ATG4B: variants seen among roughly 807,000 people sequenced by gnomAD.
ATG4B encodes cysteine protease ATG4B.
In ATG4B, 29 loss-of-function variants were observed where a neutral mutation model predicts 56.6. That is an observed-to-expected ratio of 0.51 (90% CI 0.38 to 0.70). The LOEUF is 0.70. Among genes scored for constraint, ATG4B ranks in the 30% least tolerant of loss-of-function variants. The probability of loss-of-function intolerance (pLI) is 0.00; values close to 1 mark genes in which losing one functional copy is unlikely to be tolerated. For synonymous variants in ATG4B, 224 were observed against 206.1 expected (o/e 1.09, Z -0.74); for missense variants, 461 against 515.5 (o/e 0.89, Z 1.02).
intron 10 of ATG4B, among the ~76,000 whole-genome samples, chr2:241,670,135 ATTTCG>A (rs1450658680): frequency 6.6e-6 from 1 of 152,070 alleles, no homozygotes; most frequent in Non-Finnish European, 1.5e-5. Context: ...TTCTCCCCCC[ATTTCG>A]TTTCTTTTTG....
At position 241,654,544 on chromosome 2, in the gene ATG4B, A is replaced by G; in HGVS notation, c.284-2A>G. On this transcript the variant is annotated splice_acceptor_variant, in intron 4 of 12. Transcript: ENST00000404914. LOFTEE classifies it high-confidence loss of function. Reference sequence around the variant, plus strand: ...GCTGACCTGTAATTTTTTTTCCAATAGATTGGAGGTGGACACAAAGGAAGA... The same window carrying G: ...GCTGACCTGTAATTTTTTTTCCAATGGATTGGAGGTGGACACAAAGGAAGA... 1 of 1,583,460 alleles carries G rather than the reference A, an allele frequency of 6.3e-7. No individual in the cohort carries two copies. The highest frequency in any genetic ancestry group is 8.6e-7 in the Non-Finnish European group (1 of 1,164,614).
rs1321613822 is a variant in ATG4B, at chr2:241,642,871, C to CTTTT, written c.10+5147_10+5148insTTTT. ...CTTAAGGTGTACAGCACCTCTCCGT[C>CTTTT]CTTTTTTTTTTTTTTTTTTTTTTTT... On this transcript the variant is annotated intron_variant, in intron 1 of 12. Transcript: ENST00000404914. 5.3e-3 allele frequency among the ~76,000 whole-genome samples: 524 copies of CTTTT among 98,424 alleles called. 147 individuals carry two copies. Among genetic ancestry groups the CTTTT allele is most frequent in the East Asian group, 0.01 (27 of 2,668 alleles). 64.6% of individuals were successfully genotyped at this position (98,424 alleles called of 152,430 possible). A position where few individuals can be genotyped will look rare whatever the true frequency, so the allele number is the denominator to read the frequency against.
intron 3 of ATG4B, 181 bp from the exon 4 acceptor site, chr2:241,653,331 C>A: frequency 6.5e-7 from 1 of 1,549,456 alleles, no homozygotes; most frequent in Non-Finnish European, 8.7e-7. Context: ...ATTTCACTCT[C>A]CAGTAAATGT....
intron 12 of ATG4B, 165 bp downstream of exon 12, chr2:241,671,570 C>T: frequency 6.5e-7 from 1 of 1,526,826 alleles, no homozygotes; most frequent in South Asian, 1.2e-5. Context: ...TGGAGCGTCC[C>T]CTCCTCCAAG....
intron 7 of ATG4B, among the ~76,000 whole-genome samples, chr2:241,662,513 C>T (rs2068620427): frequency 6.6e-6 from 1 of 152,220 alleles, no homozygotes; most frequent in African/African-American, 2.4e-5. Flanking sequence ...GCCCGTTGCA[C>T]CCTGTTGACA....
chr2:241,638,819 T>C (rs1355888905), intron 1 of ATG4B, among the ~76,000 whole-genome samples: 1 of 152,256 alleles, frequency 6.6e-6, no homozygotes, highest in Admixed American at 6.5e-5. Context: ...GTGAAGTTTG[T>C]CTTTTAGAAT....
In ATG4B at chr2:241,668,955, G is replaced by A; in HGVS notation, c.957+270G>A. On this transcript the variant is annotated intron_variant, in intron 10 of 12. Transcript: ENST00000404914. The surrounding 1 kb of genome is among the most constrained non-coding windows in gnomAD (Gnocchi z 4.2). ...TGGATGTGAGCGTGTGTGGGCGCGT[G>A]CTGAGTGTGCATGGATGAGTGTGAG... 2.0e-6 allele frequency: 1 copy of A among 499,422 alleles called. No homozygotes were observed. The highest frequency in any genetic ancestry group is 3.5e-6 in the Non-Finnish European group (1 of 281,692). 30.9% of individuals were successfully genotyped at this position (499,422 alleles called of 1,614,324 possible).
Position 241,673,472 on chromosome 2 carries a change from T to C in ATG4B, c.*1208T>C. On this transcript the variant is annotated 3_prime_UTR_variant, in exon 13 of 13. Coordinates refer to ENST00000404914, the MANE Select transcript of ATG4B (RefSeq NM_013325.5). ...TGGCAGGACTCGCTGCTGCTGCTGC[T>C]GCTTGTGTAGGTCGGGGAGCCAGAG... The C allele has an allele frequency of 2.4e-6, 1 of 415,538 alleles. No homozygotes were observed. Among genetic ancestry groups the C allele is most frequent in the Non-Finnish European group, 4.9e-6 (1 of 202,788 alleles). The allele number at this position is 415,538 out of a possible 1,614,324, so 25.7% of individuals were successfully genotyped here. A position where few individuals can be genotyped will look rare whatever the true frequency, so the allele number is the denominator to read the frequency against.
intron 7 of ATG4B, among the ~76,000 whole-genome samples, chr2:241,665,752 C>T (rs753139035): frequency 4.6e-5 from 7 of 152,220 alleles, no homozygotes; most frequent in African/African-American, 7.2e-5. Context: ...AGCTGTGTGA[C>T]TCCTGCCTGA....
chr2:241,667,440 C>G (rs2068813603), intron 8 of ATG4B, among the ~76,000 whole-genome samples: 1 of 151,744 alleles, frequency 6.6e-6, no homozygotes, highest in Non-Finnish European at 1.5e-5. Context: ...CCTGTCTCTA[C>G]TAAAAATATA....
chr2:241,640,830 C>T (rs2067861668), intron 1 of ATG4B, among the ~76,000 whole-genome samples: 1 of 152,048 alleles, frequency 6.6e-6, no homozygotes, highest in Non-Finnish European at 1.5e-5. Context: ...AGAAAGGTGA[C>T]TTAGGCTCAG....
rs758109088 is a variant in ATG4B, at chr2:241,666,867, G to T, written c.732+29G>T. Reference sequence around the variant, plus strand: ...GGTCCTGCCGTGCGGCGCTTGCCCTGAGTCCCCGTCCCCTTCTCCCAGTTC... The same window carrying T: ...GGTCCTGCCGTGCGGCGCTTGCCCTTAGTCCCCGTCCCCTTCTCCCAGTTC... On this transcript the variant is annotated intron_variant, in intron 8 of 12. Transcript: ENST00000404914. The T allele has an allele frequency of 1.4e-5, 21 of 1,537,324 alleles. No homozygotes were observed. The South Asian group carries it at 2.5e-4, about 18-fold the overall frequency.
intron 7 of ATG4B, among the ~76,000 whole-genome samples, chr2:241,664,913 G>A (rs149467382): frequency 4.6e-5 from 7 of 152,126 alleles, no homozygotes; most frequent in Admixed American, 2.0e-4. Flanking sequence ...GCAGTGAACC[G>A]AGATTATGCC....
rs148786159 is a variant in ATG4B, at chr2:241,647,297, T to C, written c.11-3713T>C. ...TGAGAAGAATGTTCCAACAGCAAGATGGAATCATTGTCTTGCAGTGTTGAA... is the reference window on the plus strand; with the variant it reads ...TGAGAAGAATGTTCCAACAGCAAGACGGAATCATTGTCTTGCAGTGTTGAA... On this transcript the variant is annotated intron_variant, in intron 1 of 12. Transcript: ENST00000404914. 6.7e-3 allele frequency among the ~76,000 whole-genome samples: 1,017 copies of C among 152,194 alleles called. 17 individuals carry two copies. Among genetic ancestry groups the C allele is most frequent in the African/African-American group, 0.023 (965 of 41,524 alleles).
chr2:241,662,076 T>G (rs1461348034), intron 7 of ATG4B, among the ~76,000 whole-genome samples: 1 of 152,202 alleles, frequency 6.6e-6, no homozygotes, highest in Non-Finnish European at 1.5e-5. Context: ...GTATGTGGAT[T>G]AGAACTTTTC....
Position 241,651,243 on chromosome 2 carries a change from T to C in ATG4B, c.113-21T>C. ...TAAGGCGTTGTGTGTGTGTGTTTTT[T>C]TTCTTTTAAACAACCTCTAGAAAAG... On this transcript the variant is annotated intron_variant, in intron 2 of 12. Transcript: ENST00000404914. The surrounding 1 kb of genome is among the most constrained non-coding windows in gnomAD (Gnocchi z 4.1). 1 of 1,586,366 alleles carries C rather than the reference T, an allele frequency of 6.3e-7. No individual in the cohort carries two copies. The highest frequency in any genetic ancestry group is 8.6e-7 in the Non-Finnish European group (1 of 1,165,736).
chr2:241,672,391 G>C lies in ATG4B; in HGVS notation c.*127G>C. On this transcript the variant is annotated 3_prime_UTR_variant, in exon 13 of 13. Transcript: ENST00000404914. ...GCTGCCTCCCCCCAGAGGGCCACCCGCTGTGCTCGTGGACTGAGGCTGCGC... is the reference window on the plus strand; with the variant it reads ...GCTGCCTCCCCCCAGAGGGCCACCCCCTGTGCTCGTGGACTGAGGCTGCGC... The C allele has an allele frequency of 1.2e-6, 1 of 847,268 alleles. No homozygotes were observed. The highest frequency in any genetic ancestry group is 1.9e-6 in the Non-Finnish European group (1 of 538,812). The allele number at this position is 847,268 out of a possible 1,614,324, so 52.5% of individuals were successfully genotyped here. A position where few individuals can be genotyped will look rare whatever the true frequency, so the allele number is the denominator to read the frequency against.
intron 7 of ATG4B, among the ~76,000 whole-genome samples, chr2:241,663,356 C>G (rs573086834): frequency 6.6e-6 from 1 of 152,190 alleles, no homozygotes; most frequent in Non-Finnish European, 1.5e-5. Flanking sequence ...TTAGTAGATA[C>G]GTGTCAAACC....
chr2:241,654,832 C>T, intron 5 of ATG4B, 185 bp downstream of exon 5: 1 of 607,442 alleles, frequency 1.6e-6, no homozygotes, highest in Non-Finnish European at 2.9e-6. Context: ...CCACATCACC[C>T]CCGTCCCACC....
Sources: allele counts gnomAD v4.1 joint callset (sites outside exome capture counted in the v4.1 genomes callset), GRCh38; gene constraint gnomAD v4.1.1; non-coding constraint Gnocchi (gnomAD v3.1); transcripts MANE v1.5; gene names NCBI Gene and HGNC (gene_info 2026-07-23, HGNC 2026-07-21).